The following UMAD1 variants were observed in gnomAD, a reference collection of about 807,000 sequenced individuals.
The protein encoded by UMAD1 is UBAP1-MVB12-associated (UMA) domain containing 1.
A neutral mutation model predicts 6.1 loss-of-function variants in UMAD1; 8 were observed. That is an observed-to-expected ratio of 1.30 (90% CI 0.76 to 2.35). The LOEUF (loss-of-function observed/expected upper bound fraction) is 2.35. Among genes scored for constraint, UMAD1 ranks in the 30% most tolerant of loss-of-function variants. The probability of loss-of-function intolerance (pLI) is 0.00; values close to 1 mark genes in which losing one functional copy is unlikely to be tolerated. For synonymous variants in UMAD1, 56 were observed against 31.4 expected, an observed-to-expected ratio of 1.78 and a Z score of -2.61; for missense variants, 130 against 78.4, an observed-to-expected ratio of 1.66 and a Z score of -2.49.
At chr7:7,712,261 G>C (rs1194859102) in intron 2 of UMAD1, among the ~76,000 whole-genome samples, 1 of 152,048 alleles carries the variant, frequency 6.6e-6, no homozygotes, top group Non-Finnish European at 1.5e-5. Flanking sequence ...ACTCTGATGT[G>C]ATTTTTGTTG....
chr7:7,704,491 C>G (rs1164481046), intron 2 of UMAD1, among the ~76,000 whole-genome samples: 2 of 150,830 alleles, frequency 1.3e-5, no homozygotes, highest in Non-Finnish European at 2.9e-5. Flanking sequence ...CGCGGTGGCT[C>G]ATGCCTGTAA....
intron 2 of UMAD1, among the ~76,000 whole-genome samples, chr7:7,793,083 C>T (rs1782601013): frequency 6.6e-6 from 1 of 152,324 alleles, no homozygotes; most frequent in Admixed American, 6.5e-5. Context: ...GCTGAACGAG[C>T]GTGTCGCTAA....
chr7:7,860,660 A>G (rs1352101770), intron 3 of UMAD1, among the ~76,000 whole-genome samples: 1 of 150,348 alleles, frequency 6.7e-6, no homozygotes, highest in African/African-American at 2.4e-5. Flanking sequence ...CTGTAGTCCC[A>G]GTTACTCGGG....
At chr7:7,832,420 C>G (rs759109327) in intron 3 of UMAD1, among the ~76,000 whole-genome samples, 1 of 152,122 alleles carries the variant, frequency 6.6e-6, no homozygotes, top group Non-Finnish European at 1.5e-5. Flanking sequence ...AGGACTGATC[C>G]TCTCTTCCCA....
chr7:7,874,259 C>G (rs545601129), intron 3 of UMAD1, among the ~76,000 whole-genome samples: 27 of 152,216 alleles, frequency 1.8e-4, no homozygotes, highest in Non-Finnish European at 3.2e-4. Context: ...TATCCCTGCT[C>G]TAATCGACTT....
intron 3 of UMAD1, among the ~76,000 whole-genome samples, chr7:7,838,098 A>C (rs1211701720): frequency 6.6e-6 from 1 of 152,224 alleles, no homozygotes; most frequent in East Asian, 1.9e-4. Context: ...TGGAGGTTGG[A>C]ATCTACTTCT....
intron 2 of UMAD1, among the ~76,000 whole-genome samples, chr7:7,735,519 C>G (rs1393667938): frequency 1.3e-5 from 2 of 151,806 alleles, no homozygotes; most frequent in Non-Finnish European, 2.9e-5. Flanking sequence ...AAGTGATTCT[C>G]CTGCCTCAGC....
intron 3 of UMAD1, among the ~76,000 whole-genome samples, chr7:7,805,759 T>C (rs1782900401): frequency 6.6e-6 from 1 of 152,214 alleles, no homozygotes; most frequent in South Asian, 2.1e-4. Context: ...CTAGTCATTT[T>C]TTAAACCAGA....
intron 1 of UMAD1, among the ~76,000 whole-genome samples, chr7:7,642,724 C>T (rs1474204780): frequency 2.6e-5 from 4 of 152,160 alleles, no homozygotes; most frequent in Non-Finnish European, 5.9e-5. Flanking sequence ...TGGGGCCTGT[C>T]ATTCAGCTGA....
At chr7:7,680,103 A>G (rs1368390710) in intron 2 of UMAD1, among the ~76,000 whole-genome samples, 1 of 152,144 alleles carries the variant, frequency 6.6e-6, no homozygotes, top group Non-Finnish European at 1.5e-5. Context: ...GTATTACTCA[A>G]GAAATCTTTG....
chr7:7,852,243 A>G (rs10229133), intron 3 of UMAD1, among the ~76,000 whole-genome samples: 67,227 of 152,092 alleles, frequency 0.44, 15,728 homozygotes, highest in African/African-American at 0.54. Context: ...CTACTCTCAC[A>G]TCAACATAAC....
chr7:7,777,609 G>T (rs1003685541), intron 2 of UMAD1, among the ~76,000 whole-genome samples: 34 of 104,052 alleles, frequency 3.3e-4, no homozygotes, highest in African/African-American at 1.5e-3. Context: ...ATATGTAATT[G>T]CCAGTATTTG....
chr7:7,734,694 T>C (rs1781316965), intron 2 of UMAD1, among the ~76,000 whole-genome samples: 1 of 152,210 alleles, frequency 6.6e-6, no homozygotes. Context: ...CCTCAAAGGC[T>C]TTTTTGATCT....
At chr7:7,875,121 G>A (rs933778055) in intron 3 of UMAD1, among the ~76,000 whole-genome samples, 4 of 152,100 alleles carry the variant, frequency 2.6e-5, no homozygotes, top group Admixed American at 6.6e-5. Flanking sequence ...GAATTTGTCA[G>A]CATTTATAAC....
At chr7:7,814,379 C>T (rs904437216) in intron 3 of UMAD1, among the ~76,000 whole-genome samples, 1 of 151,962 alleles carries the variant, frequency 6.6e-6, no homozygotes, top group African/African-American at 2.4e-5. Flanking sequence ...TGTTTTTTCC[C>T]ATTTTCCATT....
At chr7:7,668,896 T>C (rs1033113147) in intron 1 of UMAD1, among the ~76,000 whole-genome samples, 13 of 152,240 alleles carry the variant, frequency 8.5e-5, no homozygotes, top group Admixed American at 4.6e-4. Flanking sequence ...AACCACTCTA[T>C]TGCAGGGCAC....
At chr7:7,679,675 A>G (rs1779853417) in intron 2 of UMAD1, among the ~76,000 whole-genome samples, 1 of 125,948 alleles carries the variant, frequency 7.9e-6, no homozygotes, top group Non-Finnish European at 1.6e-5. Context: ...TTTAATTTAT[A>G]GATAAATATA....
chr7:7,794,227 A>G (rs940709907), intron 2 of UMAD1, among the ~76,000 whole-genome samples: 2 of 152,178 alleles, frequency 1.3e-5, no homozygotes, highest in South Asian at 2.1e-4. Context: ...CCAGTCCACA[A>G]CAGCCCATTT....
intron 1 of UMAD1, among the ~76,000 whole-genome samples, chr7:7,670,808 G>A (rs1183338100): frequency 6.6e-6 from 1 of 152,158 alleles, no homozygotes; most frequent in Non-Finnish European, 1.5e-5. Context: ...GCGAACAAAG[G>A]GAGAGAGAGA....
Sources: allele counts gnomAD v4.1 joint callset (sites outside exome capture counted in the v4.1 genomes callset), GRCh38; gene constraint gnomAD v4.1.1; transcripts MANE v1.5; gene names NCBI Gene and HGNC (gene_info 2026-07-23, HGNC 2026-07-21).